Variants in CELF2 observed in about 807,000 individuals in gnomAD.
CELF2 encodes CUGBP Elav-like family member 2, also known as CUG triplet repeat RNA-binding protein 2.
Under a neutral mutation model 62.6 loss-of-function variants are expected in CELF2, and 8 were observed. That is an observed-to-expected ratio of 0.13 (90% confidence interval 0.07 to 0.23). The LOEUF is 0.23. Ranked by LOEUF, CELF2 falls within the 10% of genes least tolerant of loss-of-function variation. The pLI, the probability that CELF2 is intolerant of heterozygous loss-of-function variation, is 1.00. For synonymous variants in CELF2, 258 were observed against 250.0 expected, an observed-to-expected ratio of 1.03 and a Z score of -0.30; for missense variants, 333 against 671.0, an observed-to-expected ratio of 0.50 and a Z score of 5.56.
chr10:10,463,629 T>C, the CELF2 span, among the ~76,000 whole-genome samples: 1 of 152,152 alleles, frequency 6.6e-6, no homozygotes, highest in African/African-American at 2.4e-5. Context: ...AATATATCCA[T>C]GTGTCAAACT....
the CELF2 span, among the ~76,000 whole-genome samples, chr10:10,788,843 T>C: frequency 1.3e-5 from 2 of 152,168 alleles, no homozygotes; most frequent in Non-Finnish European, 2.9e-5. Context: ...AATGCGTTTT[T>C]GTCTGGGCTG....
intron 2 of CELF2, chr10:10,920,122 T>G (rs1176560890): frequency 3.2e-6 from 2 of 621,284 alleles, no homozygotes; most frequent in Non-Finnish European, 4.6e-6. Context: ...TTTTGATACC[T>G]CATACATCAC....
chr10:10,614,243 C>T, the CELF2 span, among the ~76,000 whole-genome samples: 1 of 152,004 alleles, frequency 6.6e-6, no homozygotes, highest in Non-Finnish European at 1.5e-5. Context: ...GTAATTTTAG[C>T]CATTTTTATT....
At chr10:11,284,032 G>A (rs62649458) in intron 8 of CELF2, among the ~76,000 whole-genome samples, 5 of 112,756 alleles carry the variant, frequency 4.4e-5, no homozygotes, top group African/African-American at 6.2e-5. Context: ...GATGATGGAT[G>A]AGTGTGTGGT....
chr10:10,546,286 G>A, the CELF2 span, among the ~76,000 whole-genome samples: 1 of 152,090 alleles, frequency 6.6e-6, no homozygotes, highest in Non-Finnish European at 1.5e-5. Flanking sequence ...TCTCTGTGTT[G>A]TTCATTAAAC....
At chr10:10,597,829 A>G in the CELF2 span, among the ~76,000 whole-genome samples, 3 of 152,248 alleles carry the variant, frequency 2.0e-5, no homozygotes, top group Non-Finnish European at 2.9e-5. Flanking sequence ...ATAAAGCAAC[A>G]CATTTGTCCA....
At chr10:10,618,405 C>T in the CELF2 span, among the ~76,000 whole-genome samples, 5 of 152,120 alleles carry the variant, frequency 3.3e-5, no homozygotes, top group Non-Finnish European at 7.3e-5. Flanking sequence ...GCCAGATCCT[C>T]AGACTTCTGG....
the CELF2 span, among the ~76,000 whole-genome samples, chr10:10,742,824 G>A: frequency 1.3e-5 from 2 of 152,286 alleles, no homozygotes; most frequent in Admixed American, 6.5e-5. Context: ...CTAGAAATGT[G>A]CATTAAGGGA....
At chr10:11,097,839 C>G (rs553897032) in intron 1 of CELF2, among the ~76,000 whole-genome samples, 1 of 152,324 alleles carries the variant, frequency 6.6e-6, no homozygotes, top group African/African-American at 2.4e-5. Flanking sequence ...ACCATCATCA[C>G]CCCCGATCAG....
chr10:10,740,407 C>T, the CELF2 span, among the ~76,000 whole-genome samples: 1 of 152,098 alleles, frequency 6.6e-6, no homozygotes, highest in African/African-American at 2.4e-5. Flanking sequence ...AAAGAGATAG[C>T]AAGTGTTGAC....
At position 11,197,046 on chromosome 10, in the gene CELF2, A is replaced by AGAG. The variant is rs2057987371; in HGVS notation, c.272-20379_272-20378insGAG. On this transcript the variant is annotated intron_variant, in intron 2 of 12. Coordinates refer to ENST00000633077, the MANE Select transcript of CELF2 (RefSeq NM_001326342.2). Reference sequence around the variant, plus strand: ...AAAGAAAAGAAAGAAAGAAAGAAAGAAAGAAAGAAAGAAAAGAAAGAAAGG... The same window carrying AGAG: ...AAAGAAAAGAAAGAAAGAAAGAAAGAGAGAAGAAAGAAAGAAAAGAAAGAAAGG... Among the ~76,000 whole-genome samples, 5 of 111,592 alleles carry AGAG rather than the reference A, an allele frequency of 4.5e-5. 2 individuals carry two copies. Among genetic ancestry groups the AGAG allele is most frequent in the African/African-American group, 2.9e-4 (5 of 17,032 alleles). 73.2% of individuals were successfully genotyped at this position (111,592 alleles called of 152,430 possible). A position where few individuals can be genotyped will look rare whatever the true frequency, so the allele number is the denominator to read the frequency against.
chr10:10,686,473 G>A, the CELF2 span, among the ~76,000 whole-genome samples: 1 of 152,082 alleles, frequency 6.6e-6, no homozygotes, highest in East Asian at 1.9e-4. Context: ...TTATGGTTTG[G>A]CTCTGTGTCC....
chr10:10,503,706 CATTTA>C, the CELF2 span, among the ~76,000 whole-genome samples: 1 of 151,834 alleles, frequency 6.6e-6, no homozygotes, highest in Admixed American at 6.6e-5. Context: ...AGATCATTTA[CATTTA>C]ATTTAATTTA....
the CELF2 span, among the ~76,000 whole-genome samples, chr10:10,780,874 T>C: frequency 2.0e-5 from 3 of 152,224 alleles, no homozygotes; most frequent in African/African-American, 7.2e-5. Context: ...ATCCCACTCA[T>C]CAGCACAACT....
chr10:11,251,270 ATTTTTTTT>A (rs66615560), intron 4 of CELF2, among the ~76,000 whole-genome samples: 2 of 63,300 alleles, frequency 3.2e-5, no homozygotes, highest in South Asian at 1.0e-3. Context: ...ACACAAAGGG[ATTTTTTTT>A]TTTTTTTTTT....
At chr10:10,525,775 A>G in the CELF2 span, among the ~76,000 whole-genome samples, 167 of 152,354 alleles carry the variant, frequency 1.1e-3, no homozygotes, top group African/African-American at 3.7e-3. Flanking sequence ...CCTGTTGTCT[A>G]AAATGATGTG....
At chr10:11,154,289 C>G (rs1456668123) in intron 1 of CELF2, among the ~76,000 whole-genome samples, 1 of 152,194 alleles carries the variant, frequency 6.6e-6, no homozygotes, top group Non-Finnish European at 1.5e-5. Context: ...GAATTTATGA[C>G]TTGCTGAGAG....
chr10:10,772,928 G>A, the CELF2 span, among the ~76,000 whole-genome samples: 3 of 152,180 alleles, frequency 2.0e-5, no homozygotes, highest in South Asian at 6.2e-4. Context: ...CCAGAGAAAT[G>A]TTGCTTTTAA....
rs191480688 is a variant in CELF2 at position 11,325,178 on chromosome 10, G to A, written c.1295-658G>A. The stretch of plus-strand genomic sequence containing the variant: ...GCTTGGCTTCCTCGGTCTTTGCCCA[G>A]CTTCTACATCCACTGCATTCATCTC... On this transcript the variant is annotated intron_variant, in intron 11 of 12. Coordinates refer to ENST00000633077, the MANE Select transcript of CELF2 (RefSeq NM_001326342.2). Among the ~76,000 whole-genome samples the A allele has an allele frequency of 9.8e-5, 15 of 152,326 alleles. No individual in the cohort carries two copies. The East Asian group carries it at 2.9e-3, about 29-fold the overall frequency.
Sources: gnomAD v4.1 joint callset for allele counts (sites outside exome capture counted in the v4.1 genomes callset) on GRCh38, gnomAD v4.1.1 for gene constraint, MANE v1.5 for transcripts, NCBI Gene and HGNC (gene_info 2026-07-23, HGNC 2026-07-21) for gene names.